The following LRP1B variants were observed in gnomAD, a reference collection of about 807,000 sequenced individuals.
LRP1B encodes LDL receptor related protein 1B, also known as low-density lipoprotein receptor-related protein 1B.
LRP1B carries 217 observed loss-of-function variants against 556.6 expected under a neutral mutation model. The ratio of observed to expected loss-of-function variants is 0.39; its 90% CI spans 0.35 to 0.44. LRP1B has a LOEUF of 0.44. Ranked by LOEUF, LRP1B falls within the 20% of genes least tolerant of loss-of-function variation. LRP1B has a pLI of 1.00. For synonymous variants in LRP1B, 2,047 were observed against 1,865.8 expected, an observed-to-expected ratio of 1.10 and a Z score of -2.50; for missense variants, 5,053 against 5,620.8, an observed-to-expected ratio of 0.90 and a Z score of 3.23.
intron 2 of LRP1B, among the ~76,000 whole-genome samples, chr2:141,552,189 T>C (rs1685779293): frequency 1.3e-5 from 2 of 152,074 alleles, no homozygotes; most frequent in South Asian, 2.1e-4. Flanking sequence ...GGAAACTAAT[T>C]AGACTCAAGG....
At chr2:140,967,250 G>A (rs1349643146) in intron 18 of LRP1B, among the ~76,000 whole-genome samples, 1 of 151,798 alleles carries the variant, frequency 6.6e-6, no homozygotes, top group East Asian at 1.9e-4. Flanking sequence ...CCTCAAAGGG[G>A]TTCTTCACAT....
chr2:141,715,475 T>C (rs1167328489), intron 2 of LRP1B, among the ~76,000 whole-genome samples: 1 of 151,846 alleles, frequency 6.6e-6, no homozygotes. Flanking sequence ...TATCTCAAAA[T>C]AAATATATTA....
At chr2:141,057,885 A>G (rs575913092) in intron 9 of LRP1B, among the ~76,000 whole-genome samples, 30 of 152,036 alleles carry the variant, frequency 2.0e-4, no homozygotes, top group Admixed American at 2.6e-4. Flanking sequence ...TGACTCTTCC[A>G]TATAAAATTG....
rs917158161 is a variant in LRP1B at position 140,232,935 on chromosome 2, G to C, written c.*251C>G. On this transcript the variant is annotated 3_prime_UTR_variant, in exon 91 of 91. Coordinates refer to ENST00000389484, the MANE Select transcript of LRP1B (RefSeq NM_018557.3). ...TGTTTTTAATTTTAACAAATTCAAA[G>C]GTGTGTCATATCAGCAGCATTGTTG... The C allele has an allele frequency of 3.4e-6, 1 of 296,360 alleles. No homozygotes were observed. The highest frequency in any genetic ancestry group is 6.2e-6 in the Non-Finnish European group (1 of 162,484). The allele number at this position is 296,360 out of a possible 1,614,324, so 18.4% of individuals were successfully genotyped here.
At chr2:142,002,812 G>A (rs561296596) in intron 1 of LRP1B, among the ~76,000 whole-genome samples, 1 of 152,244 alleles carries the variant, frequency 6.6e-6, no homozygotes, top group South Asian at 2.1e-4. Context: ...GAAGAGAGAT[G>A]TAGTGGGTGG....
chr2:140,594,492 C>T (rs1264681055), intron 43 of LRP1B, among the ~76,000 whole-genome samples: 1 of 152,174 alleles, frequency 6.6e-6, no homozygotes, highest in African/African-American at 2.4e-5. Context: ...AGAAGGAACA[C>T]TTTTCCAACA....
At chr2:140,949,938 C>CAAAAAAAA (rs67201185) in intron 20 of LRP1B, among the ~76,000 whole-genome samples, 65 of 14,146 alleles carry the variant, frequency 4.6e-3, no homozygotes, top group Non-Finnish European at 6.1e-3. Flanking sequence ...GACTCCGTCT[C>CAAAAAAAA]AAAAAAAAAA....
intron 31 of LRP1B, among the ~76,000 whole-genome samples, chr2:140,822,009 G>GA (rs928773334): frequency 2.5e-4 from 36 of 146,382 alleles, no homozygotes; most frequent in African/African-American, 7.6e-4. Flanking sequence ...AAAAAAAAAA[G>GA]AAAAAAAAAG....
chr2:141,463,878 C>T (rs1338218804), intron 3 of LRP1B, among the ~76,000 whole-genome samples: 2 of 144,646 alleles, frequency 1.4e-5, no homozygotes, highest in Non-Finnish European at 3.0e-5. Flanking sequence ...TAATATATAT[C>T]ATTTTATATA....
At chr2:140,513,076 G>A (rs532795955) in intron 51 of LRP1B, among the ~76,000 whole-genome samples, 54 of 152,006 alleles carry the variant, frequency 3.6e-4, no homozygotes, top group Non-Finnish European at 5.6e-4. Context: ...AAGAAAGGAG[G>A]CAGGAGAAAT....
chr2:141,820,310 T>C (rs1696711394), intron 1 of LRP1B, among the ~76,000 whole-genome samples: 1 of 152,180 alleles, frequency 6.6e-6, no homozygotes, highest in Admixed American at 6.5e-5. Flanking sequence ...CTTAAGTCTA[T>C]AATTAATAGA....
intron 2 of LRP1B, among the ~76,000 whole-genome samples, chr2:141,765,802 A>G (rs901728295): frequency 1.3e-5 from 2 of 152,154 alleles, no homozygotes; most frequent in Non-Finnish European, 2.9e-5. Flanking sequence ...TCCTTATTTC[A>G]GTGATTCTCA....
chr2:141,792,254 A>G (rs1695638326), intron 2 of LRP1B, among the ~76,000 whole-genome samples: 1 of 152,014 alleles, frequency 6.6e-6, no homozygotes, highest in African/African-American at 2.4e-5. Flanking sequence ...GAACAATAAA[A>G]AAGAAAAGTA....
intron 7 of LRP1B, among the ~76,000 whole-genome samples, chr2:141,087,451 G>A (rs572031178): frequency 6.6e-6 from 1 of 152,252 alleles, no homozygotes; most frequent in Non-Finnish European, 1.5e-5. Flanking sequence ...AAATTTACAA[G>A]CATTTTTACG....
chr2:140,517,311 C>T (rs1271073583), intron 49 of LRP1B, among the ~76,000 whole-genome samples: 1 of 151,396 alleles, frequency 6.6e-6, no homozygotes, highest in East Asian at 2.0e-4. Flanking sequence ...AGTTAATAAA[C>T]ATAAAATAAA....
intron 32 of LRP1B, among the ~76,000 whole-genome samples, chr2:140,811,009 A>G (rs910927629): frequency 6.6e-6 from 1 of 152,136 alleles, no homozygotes; most frequent in Non-Finnish European, 1.5e-5. Flanking sequence ...TGCTGGGATT[A>G]CAGGCGTAAG....
chr2:141,560,388 T>A (rs1686103864), intron 2 of LRP1B, among the ~76,000 whole-genome samples: 1 of 151,754 alleles, frequency 6.6e-6, no homozygotes, highest in Non-Finnish European at 1.5e-5. Flanking sequence ...TGGATTGCTT[T>A]TCCAATTTAC....
At chr2:141,984,556 A>G (rs1383613531) in intron 1 of LRP1B, among the ~76,000 whole-genome samples, 1 of 152,136 alleles carries the variant, frequency 6.6e-6, no homozygotes, top group Non-Finnish European at 1.5e-5. Context: ...CCTGATAATC[A>G]TATCTTTCCT....
At chr2:142,095,256 G>A (rs1292447773) in intron 1 of LRP1B, among the ~76,000 whole-genome samples, 1 of 151,304 alleles carries the variant, frequency 6.6e-6, no homozygotes, top group Non-Finnish European at 1.5e-5. Flanking sequence ...GTTACCAAAT[G>A]TGTATTATAC....
Sources: gnomAD v4.1 joint callset for allele counts (sites outside exome capture counted in the v4.1 genomes callset) on GRCh38, gnomAD v4.1.1 for gene constraint, MANE v1.5 for transcripts, NCBI Gene and HGNC (gene_info 2026-07-23, HGNC 2026-07-21) for gene names.